Variants in APP observed in about 807,000 individuals in gnomAD.
APP encodes the protein amyloid beta precursor protein, also known as amyloid-beta precursor protein.
Under a neutral mutation model 101.4 loss-of-function variants are expected in APP, and 31 were observed. The ratio of observed to expected loss-of-function variants is 0.31; its 90% CI spans 0.23 to 0.41. The LOEUF (loss-of-function observed/expected upper bound fraction) is 0.41, where lower values mean the gene tolerates loss of function less well. Ranked by LOEUF, APP falls within the 10% of genes least tolerant of loss-of-function variation. The pLI, the probability that APP is intolerant of heterozygous loss-of-function variation, is 1.00. For missense variants in APP, 839 were observed against 1,003.7 expected, an observed-to-expected ratio of 0.84 and a Z score of 2.22; for synonymous variants, 366 against 364.4, an observed-to-expected ratio of 1.00 and a Z score of -0.05.
intron 1 of APP, among the ~76,000 whole-genome samples, chr21:26,141,611 T>A (rs766186895): frequency 1.3e-5 from 2 of 152,170 alleles, no homozygotes; most frequent in Non-Finnish European, 2.9e-5. Flanking sequence ...ATCTGGCAAA[T>A]AGAAGACACT....
intron 1 of APP, among the ~76,000 whole-genome samples, chr21:26,162,521 AAAC>A (rs2063513219): frequency 6.6e-6 from 1 of 152,094 alleles, no homozygotes; most frequent in Non-Finnish European, 1.5e-5. Flanking sequence ...AGGAAAAACT[AAAC>A]AAATGAGTTT....
intron 3 of APP, among the ~76,000 whole-genome samples, chr21:26,062,678 A>AAATG (rs1308229880): frequency 1.3e-5 from 2 of 151,422 alleles, no homozygotes; most frequent in African/African-American, 2.4e-5. Context: ...ATAAATAAAT[A>AAATG]AATAAATAAA....
intron 13 of APP, among the ~76,000 whole-genome samples, chr21:25,916,550 GACTAATCAC>G (rs1262260904): frequency 6.6e-6 from 1 of 152,090 alleles, no homozygotes; most frequent in African/African-American, 2.4e-5. Context: ...TCCATGGTGA[GACTAATCAC>G]ACCGAAACCA....
At chr21:26,129,844 T>C (rs577942611) in intron 1 of APP, among the ~76,000 whole-genome samples, 60 of 152,222 alleles carry the variant, frequency 3.9e-4, no homozygotes, top group Non-Finnish European at 7.1e-4. Context: ...TTTTCCCATT[T>C]TCACACAAGT....
chr21:25,973,943 T>TAAAAA lies in APP; in HGVS notation c.1458+1122_1458+1126dup, dbSNP rs369334912. ...TGACAGAGTGAGACTCCATCTCATTTAAAAAAAAAAAAAAAAAAAAAGAAC... is the reference window on the plus strand; with the variant it reads ...TGACAGAGTGAGACTCCATCTCATTTAAAAAAAAAAAAAAAAAAAAAAAAAAGAAC... On this transcript the variant is annotated intron_variant, in intron 11 of 17. Transcript: ENST00000346798. Among the ~76,000 whole-genome samples, 922 of 111,064 alleles carry TAAAAA rather than the reference T, an allele frequency of 8.3e-3. 28 individuals carry two copies. The highest frequency in any genetic ancestry group is 0.031 in the African/African-American group (808 of 26,318). 72.9% of individuals were successfully genotyped at this position (111,064 alleles called of 152,430 possible). A position where few individuals can be genotyped will look rare whatever the true frequency, so the allele number is the denominator to read the frequency against.
intron 17 of APP, among the ~76,000 whole-genome samples, chr21:25,882,555 T>TA (rs2037060858): frequency 6.6e-6 from 1 of 151,810 alleles, no homozygotes; most frequent in Non-Finnish European, 1.5e-5. Context: ...CTGTCACTGT[T>TA]AGAGCTGTGT....
At chr21:26,024,402 G>A (rs1037393740) in intron 5 of APP, among the ~76,000 whole-genome samples, 2 of 152,166 alleles carry the variant, frequency 1.3e-5, no homozygotes, top group Non-Finnish European at 2.9e-5. Context: ...ATTGGGAAAA[G>A]TGATAGGAAC....
At chr21:26,003,605 G>A (rs768133725) in intron 6 of APP, among the ~76,000 whole-genome samples, 2 of 152,230 alleles carry the variant, frequency 1.3e-5, no homozygotes, top group Admixed American at 6.5e-5. Context: ...CGTGAGGCTG[G>A]AAGAACAGGA....
At chr21:25,912,049 A>C in intron 13 of APP, 87 bp from the exon 14 acceptor site, 3 of 1,035,284 alleles carry the variant, frequency 2.9e-6, no homozygotes, top group Non-Finnish European at 3.0e-6. Flanking sequence ...TCTGCCAGGC[A>C]AGACTTCAAC....
chr21:26,124,186 A>C (rs1175625881), intron 1 of APP, among the ~76,000 whole-genome samples: 1 of 152,206 alleles, frequency 6.6e-6, no homozygotes, highest in African/African-American at 2.4e-5. Context: ...ATTATTGACA[A>C]AGGTGTGGAA....
At chr21:26,069,388 T>A (rs1247915177) in intron 3 of APP, among the ~76,000 whole-genome samples, 2 of 152,100 alleles carry the variant, frequency 1.3e-5, no homozygotes, top group East Asian at 3.9e-4. Flanking sequence ...TTCCTCTCCC[T>A]TCCATCCACT....
At chr21:25,989,331 T>C (rs1005803758) in intron 8 of APP, among the ~76,000 whole-genome samples, 1 of 152,228 alleles carries the variant, frequency 6.6e-6, no homozygotes, top group Non-Finnish European at 1.5e-5. Flanking sequence ...GCACTCCATT[T>C]CATATTCATA....
At chr21:26,054,129 T>C (rs1382019097) in intron 3 of APP, among the ~76,000 whole-genome samples, 1 of 152,168 alleles carries the variant, frequency 6.6e-6, no homozygotes, top group Non-Finnish European at 1.5e-5. Context: ...GCAATAAATA[T>C]CTGTTAATGA....
At chr21:25,978,246 A>C (rs543958336) in intron 9 of APP, among the ~76,000 whole-genome samples, 4 of 152,328 alleles carry the variant, frequency 2.6e-5, no homozygotes, top group Non-Finnish European at 4.4e-5. Context: ...CACCTGCACC[A>C]TCCCACTAAG....
intron 1 of APP, among the ~76,000 whole-genome samples, chr21:26,126,061 G>A (rs554532038): frequency 1.3e-5 from 2 of 152,300 alleles, no homozygotes; most frequent in African/African-American, 2.4e-5. Flanking sequence ...GAGGGGTATT[G>A]CACTGTGTGG....
intron 1 of APP, among the ~76,000 whole-genome samples, chr21:26,156,260 T>C (rs1444310870): frequency 1.3e-5 from 2 of 152,248 alleles, no homozygotes; most frequent in Admixed American, 6.5e-5. Context: ...ACCATTTTTA[T>C]TTCATTGATA....
chr21:26,170,741 C>G lies in APP; in HGVS notation c.-121G>C, dbSNP rs1346975277. ...GCCCCCGCGCACGCTCCTCCGCGTG[C>G]TCTCGCCTACCGCTGCCGAGGAAAC... On this transcript the variant is annotated 5_prime_UTR_variant, in exon 1 of 18. Transcript: ENST00000346798. The G allele has an allele frequency of 4.7e-6, 5 of 1,065,042 alleles. No homozygotes were observed. The highest frequency in any genetic ancestry group is 6.4e-6 in the Non-Finnish European group (5 of 786,634). The allele number at this position is 1,065,042 out of a possible 1,614,324, so 66.0% of individuals were successfully genotyped here. A position where few individuals can be genotyped will look rare whatever the true frequency, so the allele number is the denominator to read the frequency against.
At chr21:26,041,108 A>G (rs1031944577) in intron 5 of APP, among the ~76,000 whole-genome samples, 10 of 152,240 alleles carry the variant, frequency 6.6e-5, no homozygotes, top group African/African-American at 2.4e-4. Context: ...TTCCTTCCAA[A>G]ACAAACATGG....
chr21:26,157,997 A>G (rs1718791511), intron 1 of APP: 1 of 152,194 alleles, frequency 6.6e-6, no homozygotes, highest in Non-Finnish European at 1.5e-5. Context: ...AAGTCTCTAG[A>G]TCAAACGAAA....
Sources: gnomAD v4.1 joint callset for allele counts (sites outside exome capture counted in the v4.1 genomes callset) on GRCh38, gnomAD v4.1.1 for gene constraint, MANE v1.5 for transcripts, NCBI Gene and HGNC (gene_info 2026-07-23, HGNC 2026-07-21) for gene names.